The following HMGCLL1 variants were observed in gnomAD, a reference collection of about 807,000 sequenced individuals.
HMGCLL1 encodes the protein 3-hydroxy-3-methylglutaryl-CoA lyase like 1, also known as 3-hydroxymethyl-3-methylglutaryl-CoA lyase, cytoplasmic.
A neutral mutation model predicts 39.1 loss-of-function variants in HMGCLL1; 36 were observed. The observed-to-expected ratio is 0.92, with a 90% CI of 0.71 to 1.22. The LOEUF (loss-of-function observed/expected upper bound fraction) is 1.22. Among genes scored for constraint, HMGCLL1 ranks in the 50% most tolerant of loss-of-function variants. The probability of loss-of-function intolerance (pLI) is 0.00; values close to 1 mark genes in which losing one functional copy is unlikely to be tolerated. For synonymous variants in HMGCLL1, 149 were observed against 144.0 expected (o/e 1.03, Z -0.25); for missense variants, 451 against 416.5 (o/e 1.08, Z -0.72).
the HMGCLL1 span, among the ~76,000 whole-genome samples, chr6:55,663,045 T>G: frequency 6.6e-6 from 1 of 151,714 alleles, no homozygotes. Flanking sequence ...CTTTGTTGTT[T>G]CTTATTGTGT....
chr6:55,559,801 GAGA>G (rs530418176), intron 1 of HMGCLL1, among the ~76,000 whole-genome samples: 408 of 152,280 alleles, frequency 2.7e-3, no homozygotes, highest in Non-Finnish European at 4.2e-3. Flanking sequence ...ACTGGGGCTA[GAGA>G]AGAACACTGG....
the HMGCLL1 span, among the ~76,000 whole-genome samples, chr6:55,602,667 T>C: frequency 6.6e-6 from 1 of 151,886 alleles, no homozygotes; most frequent in Non-Finnish European, 1.5e-5. Context: ...AAATAAGATG[T>C]AAAAAATGTC....
chr6:55,526,286 T>C (rs955986614), intron 3 of HMGCLL1, among the ~76,000 whole-genome samples: 1 of 152,016 alleles, frequency 6.6e-6, no homozygotes, highest in African/African-American at 2.4e-5. Context: ...TAAAAATCTT[T>C]TTCCCTTTTT....
the HMGCLL1 span, among the ~76,000 whole-genome samples, chr6:55,587,481 A>G: frequency 6.6e-6 from 1 of 152,166 alleles, no homozygotes; most frequent in East Asian, 1.9e-4. Context: ...GAGGCTAGGA[A>G]GAAACCGCAT....
the HMGCLL1 span, among the ~76,000 whole-genome samples, chr6:55,640,901 T>C: frequency 6.6e-6 from 1 of 151,958 alleles, no homozygotes; most frequent in African/African-American, 2.4e-5. Context: ...ACAGTTTTCA[T>C]ATGTTCAAAG....
At chr6:55,554,559 A>G (rs1231420923) in intron 1 of HMGCLL1, among the ~76,000 whole-genome samples, 2 of 152,136 alleles carry the variant, frequency 1.3e-5, no homozygotes, top group Admixed American at 6.5e-5. Flanking sequence ...ATTCAATGAA[A>G]AAAACTTGAC....
chr6:55,452,183 C>G (rs1164231385), intron 7 of HMGCLL1, among the ~76,000 whole-genome samples: 1 of 152,144 alleles, frequency 6.6e-6, no homozygotes, highest in African/African-American at 2.4e-5. Context: ...ATCTTGTTTT[C>G]TCCTTAAACC....
upstream of HMGCLL1, among the ~76,000 whole-genome samples, chr6:55,583,897 G>A (rs1442531294): frequency 1.3e-5 from 2 of 152,102 alleles, no homozygotes; most frequent in Non-Finnish European, 2.9e-5. Flanking sequence ...GATGACACTT[G>A]CTTTCAGTCT....
intron 6 of HMGCLL1, among the ~76,000 whole-genome samples, chr6:55,497,132 T>C (rs1766622478): frequency 6.6e-6 from 1 of 152,160 alleles, no homozygotes; most frequent in Non-Finnish European, 1.5e-5. Flanking sequence ...AAAGGCAGCA[T>C]GGTATTTTGA....
At chr6:55,633,019 A>T in the HMGCLL1 span, among the ~76,000 whole-genome samples, 1 of 152,120 alleles carries the variant, frequency 6.6e-6, no homozygotes, top group South Asian at 2.1e-4. Context: ...AAGAATTTAC[A>T]TGTACAGCAG....
upstream of HMGCLL1, among the ~76,000 whole-genome samples, chr6:55,583,509 T>TA (rs2127482813): frequency 6.6e-6 from 1 of 152,280 alleles, no homozygotes; most frequent in East Asian, 1.9e-4. Context: ...TCCATGTCCC[T>TA]ACAAAGGACA....
chr6:55,668,232 A>G, the HMGCLL1 span, among the ~76,000 whole-genome samples: 1 of 151,902 alleles, frequency 6.6e-6, no homozygotes, highest in Non-Finnish European at 1.5e-5. Flanking sequence ...GTTTCTGGCA[A>G]ATGCCAACTT....
chr6:55,466,321 C>T (rs1764797814), intron 7 of HMGCLL1, among the ~76,000 whole-genome samples: 1 of 152,114 alleles, frequency 6.6e-6, no homozygotes, highest in African/African-American at 2.4e-5. Context: ...GCATCAAGAA[C>T]AAGAGCTTTG....
rs1433821831 is a variant in HMGCLL1, at chr6:55,434,459, A to G, written c.*1203T>C. 1 of 152,084 alleles carries G rather than the reference A, an allele frequency of 6.6e-6. No individual in the cohort carries two copies. The highest frequency in any genetic ancestry group is 1.5e-5 in the Non-Finnish European group (1 of 68,004). The allele number at this position is 152,084 out of a possible 1,614,324, so 9.4% of individuals were successfully genotyped here. On this transcript the variant is annotated 3_prime_UTR_variant, in exon 9 of 9. Coordinates refer to ENST00000274901, the MANE Select transcript of HMGCLL1 (RefSeq NM_001042406.2). Reference sequence around the variant, plus strand: ...AATACTCATTTTTATGTTTCAATTTATATTCAAATTTACTCAAAGATAATA... The same window carrying G: ...AATACTCATTTTTATGTTTCAATTTGTATTCAAATTTACTCAAAGATAATA...
intron 7 of HMGCLL1, among the ~76,000 whole-genome samples, chr6:55,479,084 A>T (rs1765599501): frequency 6.6e-6 from 1 of 151,486 alleles, no homozygotes; most frequent in Non-Finnish European, 1.5e-5. Flanking sequence ...AAGCTGAAAG[A>T]AATCTCTCAT....
chr6:55,523,248 G>T (rs1026406260), intron 3 of HMGCLL1, among the ~76,000 whole-genome samples: 1 of 151,900 alleles, frequency 6.6e-6, no homozygotes, highest in African/African-American at 2.4e-5. Flanking sequence ...AGTGTACTAG[G>T]TAAGAAGCTA....
At chr6:55,579,270 C>T, upstream of HMGCLL1, 3 of 589,380 alleles carry the variant, frequency 5.1e-6, no homozygotes, top group South Asian at 6.0e-5. Context: ...GCACGGGGCA[C>T]CTGCGGGAAT....
chr6:55,503,972 AT>A (rs1413679277), intron 5 of HMGCLL1, among the ~76,000 whole-genome samples: 1 of 151,548 alleles, frequency 6.6e-6, no homozygotes, highest in Non-Finnish European at 1.5e-5. Context: ...CTTTACTTCA[AT>A]TTCTAATGTC....
At chr6:55,593,049 A>C in the HMGCLL1 span, among the ~76,000 whole-genome samples, 1 of 152,084 alleles carries the variant, frequency 6.6e-6, no homozygotes, top group Non-Finnish European at 1.5e-5. Flanking sequence ...TGGAAAGGAG[A>C]CTTCCTACAA....
Sources: allele counts gnomAD v4.1 joint callset (sites outside exome capture counted in the v4.1 genomes callset), GRCh38; gene constraint gnomAD v4.1.1; transcripts MANE v1.5; gene names NCBI Gene and HGNC (gene_info 2026-07-23, HGNC 2026-07-21).